ZNF208: variants seen among roughly 807,000 people sequenced by gnomAD.
The protein encoded by ZNF208 is zinc finger protein 95.
In ZNF208, 10 loss-of-function variants were observed where a neutral mutation model predicts 12.1. The observed-to-expected ratio is 0.83, with a 90% CI of 0.51 to 1.40. The LOEUF is 1.40. Among genes scored for constraint, ZNF208 ranks in the 40% most tolerant of loss-of-function variants. The probability of loss-of-function intolerance (pLI) is 0.00; values close to 1 mark genes in which losing one functional copy is unlikely to be tolerated. For synonymous variants in ZNF208, 497 were observed against 488.4 expected, an observed-to-expected ratio of 1.02 and a Z score of -0.23; for missense variants, 1,652 against 1,485.0, an observed-to-expected ratio of 1.11 and a Z score of -1.85.
chr19:21,959,813 T>C (rs1406028245), intron 4 of ZNF208, among the ~76,000 whole-genome samples: 1 of 152,174 alleles, frequency 6.6e-6, no homozygotes, highest in African/African-American at 2.4e-5. Flanking sequence ...AATATATATC[T>C]ACTGTCAGAA....
chr19:21,984,576 AC>A (rs1361932243), intron 3 of ZNF208, among the ~76,000 whole-genome samples: 3 of 151,488 alleles, frequency 2.0e-5, no homozygotes, highest in African/African-American at 4.9e-5. Context: ...AAACAAACAA[AC>A]AAAAAAAATA....
intron 4 of ZNF208, chr19:21,941,556 TAA>T: frequency 2.5e-6 from 1 of 393,336 alleles, no homozygotes. Context: ...TTTTTTAAAC[TAA>T]AGTGTCATGC....
chr19:21,982,202 A>T (rs774024346), intron 3 of ZNF208, among the ~76,000 whole-genome samples: 3 of 151,736 alleles, frequency 2.0e-5, no homozygotes, highest in Admixed American at 6.6e-5. Flanking sequence ...CTAAAAACAC[A>T]AAAAAATTAG....
rs1411651957 is a variant in ZNF208, at chr19:21,966,974, T to C, written c.*4217A>G. 6.6e-6 allele frequency: 1 copy of C among 152,196 alleles called. No homozygotes were observed. The highest frequency in any genetic ancestry group is 1.5e-5 in the Non-Finnish European group (1 of 68,024). The allele number at this position is 152,196 out of a possible 1,614,324, so 9.4% of individuals were successfully genotyped here. A position where few individuals can be genotyped will look rare whatever the true frequency, so the allele number is the denominator to read the frequency against. On this transcript the variant is annotated 3_prime_UTR_variant, in exon 4 of 4. Coordinates refer to ENST00000397126, the MANE Select transcript of ZNF208 (RefSeq NM_007153.3). ...TATTATAGATTCTGTACATTAATCC[T>C]TCATTGTCTGCAGTTTGCAAATATT... is the stretch of plus-strand genomic sequence containing the variant.
intron 1 of ZNF208, among the ~76,000 whole-genome samples, chr19:21,990,918 G>T (rs376265440): frequency 6.6e-6 from 1 of 152,070 alleles, no homozygotes; most frequent in East Asian, 1.9e-4. Flanking sequence ...TCTGTTATTG[G>T]TGTATAAGAA....
chr19:21,948,760 G>A (rs1396188954), intron 4 of ZNF208, among the ~76,000 whole-genome samples: 1 of 149,816 alleles, frequency 6.7e-6, no homozygotes, highest in Non-Finnish European at 1.5e-5. Flanking sequence ...AACCCTAACT[G>A]TTAAGAAACA....
intron 1 of ZNF208, among the ~76,000 whole-genome samples, chr19:21,990,236 A>C (rs1970707888): frequency 6.6e-6 from 1 of 152,154 alleles, no homozygotes; most frequent in Non-Finnish European, 1.5e-5. Context: ...TTAAGTCTTT[A>C]ATCCATCTTG....
intron 1 of ZNF208, among the ~76,000 whole-genome samples, chr19:21,995,007 G>A (rs368269151): frequency 4.7e-5 from 7 of 148,148 alleles, no homozygotes; most frequent in African/African-American, 1.8e-4. Context: ...GCTGTGGTGC[G>A]ATGGTGTGAT....
At chr19:21,965,576 A>G (rs1044560980), downstream of ZNF208, 2 of 152,068 alleles carry the variant, frequency 1.3e-5, no homozygotes, top group African/African-American at 4.8e-5. Context: ...AAGTACTCTA[A>G]AAATACCTTC....
intron 4 of ZNF208, among the ~76,000 whole-genome samples, chr19:21,950,938 C>T (rs1476439916): frequency 1.3e-5 from 2 of 152,128 alleles, no homozygotes; most frequent in African/African-American, 4.8e-5. Flanking sequence ...TATAAAAAAC[C>T]TCTAATTAAT....
At chr19:21,940,645 G>C (rs534184295) in intron 4 of ZNF208, 1 of 152,512 alleles carries the variant, frequency 6.6e-6, no homozygotes, top group African/African-American at 2.4e-5. Flanking sequence ...GGGATCCTGG[G>C]TCCCTCTGTC....
rs759100623 is a variant in ZNF208, at chr19:21,971,993, G to C, written c.3041C>G (p.Ser1014Ter). The C allele has an allele frequency of 1.2e-6, 2 of 1,612,960 alleles. No individual in the cohort carries two copies. The highest frequency in any genetic ancestry group is 1.7e-6 in the Non-Finnish European group (2 of 1,179,372). ...AATTTTCTTATGTTCCATAAGGTTT[G>C]ATGACCAGTTGAAAGCTTTGCCACA... The part of the protein sequence containing the change: ...EECGKAFNWS[S>*]NLMEHKKIHT... Residue 1014 changes from serine (S) to a stop codon, truncating the protein, a stop_gained, in exon 4 of 4, where the codon TCA (serine) becomes TGA (stop). Coordinates refer to ENST00000397126, the MANE Select transcript of ZNF208 (RefSeq NM_007153.3). LOFTEE classifies it low-confidence loss of function (END_TRUNC).
At chr19:21,987,380 C>T in intron 2 of ZNF208, 69 bp from the exon 3 acceptor site, 1 of 1,433,112 alleles carries the variant, frequency 7.0e-7, no homozygotes, top group Non-Finnish European at 9.4e-7. Context: ...GTAATGTGCT[C>T]AGTAAAGAGG....
At position 21,974,803 on chromosome 19, in the gene ZNF208, T is replaced by C. The variant is rs772197664; in HGVS notation, c.231A>G (p.Ile77Met). Residue 77 changes from isoleucine to methionine, a missense_variant, in exon 4 of 4, where the codon ATA becomes ATG. Physicochemically the swap from Ile to Met is conservative, Grantham distance 10. Transcript: ENST00000397126. ...AAAGATCTTGAGCAAAATGAGAACA[T>C]ATAACTGAAAAGAAATAAAAATCAC... ...RHEMVEESPVICSHFAQDLWP... is the reference protein window; with the variant it reads ...RHEMVEESPVMCSHFAQDLWP... 4 of 1,539,262 alleles carry C rather than the reference T, an allele frequency of 2.6e-6. No homozygotes were observed. Among genetic ancestry groups the C allele is most frequent in the South Asian group, 2.6e-5 (2 of 77,600 alleles).
intron 4 of ZNF208, among the ~76,000 whole-genome samples, chr19:21,955,295 G>A (rs1210437402): frequency 6.6e-6 from 1 of 152,060 alleles, no homozygotes; most frequent in African/African-American, 2.4e-5. Context: ...TGAATCTGAC[G>A]ATTATGTGTC....
At position 21,970,627 on chromosome 19, in the gene ZNF208, A is replaced by G. The variant is rs552941733; in HGVS notation, c.*564T>C. ...TTTGTAGGGCTTCTCACCAGTATGA[A>G]TTCTCTTATGTTCCATAAGGTTTGA... is the stretch of plus-strand genomic sequence containing the variant. On this transcript the variant is annotated 3_prime_UTR_variant, in exon 4 of 4. Transcript: ENST00000397126. The G allele has an allele frequency of 8.0e-5, 78 of 973,034 alleles. 1 individual carries two copies. The South Asian group carries it at 9.8e-4, about 12-fold the overall frequency. 60.3% of individuals were successfully genotyped at this position (973,034 alleles called of 1,614,324 possible). A position where few individuals can be genotyped will look rare whatever the true frequency, so the allele number is the denominator to read the frequency against.
chr19:21,957,335 G>A (rs1250599396), intron 4 of ZNF208, among the ~76,000 whole-genome samples: 1 of 152,182 alleles, frequency 6.6e-6, no homozygotes, highest in Non-Finnish European at 1.5e-5. Flanking sequence ...ACCATGCCCA[G>A]CTGAAAAATC....
In ZNF208 at chr19:21,987,214, A is replaced by C; in HGVS notation, c.226+2T>G. ...ATGTTGTCTGTATTCACTCTCACCT[A>C]CCTGGGGATTCTTCCACCATCTCAT... On this transcript the variant is annotated splice_donor_variant, in intron 3 of 3. Transcript: ENST00000397126. LOFTEE classifies it high-confidence loss of function. 6.2e-7 allele frequency: 1 copy of C among 1,609,514 alleles called. No individual in the cohort carries two copies. The highest frequency in any genetic ancestry group is 8.5e-7 in the Non-Finnish European group (1 of 1,178,258).
At chr19:21,980,736 T>C (rs1970522686) in intron 3 of ZNF208, among the ~76,000 whole-genome samples, 1 of 151,502 alleles carries the variant, frequency 6.6e-6, no homozygotes, top group Non-Finnish European at 1.5e-5. Flanking sequence ...CTGAAGGAGA[T>C]AGACACAAAA....
Sources: gnomAD v4.1 joint callset for allele counts (sites outside exome capture counted in the v4.1 genomes callset) on GRCh38, gnomAD v4.1.1 for gene constraint, MANE v1.5 for transcripts, NCBI Gene and HGNC (gene_info 2026-07-23, HGNC 2026-07-21) for gene names.